The following PTPRN2 variants were observed in gnomAD, a reference collection of about 807,000 sequenced individuals.
The protein encoded by PTPRN2 is receptor-type tyrosine-protein phosphatase N2.
PTPRN2 carries 74 observed loss-of-function variants against 118.8 expected under a neutral mutation model. The observed-to-expected ratio is 0.62, with a 90% CI of 0.52 to 0.76. The LOEUF (loss-of-function observed/expected upper bound fraction) is 0.76. PTPRN2 is among the 30% of genes least tolerant of loss of function. The probability of loss-of-function intolerance (pLI) is 0.00; values close to 1 mark genes in which losing one functional copy is unlikely to be tolerated. For missense variants in PTPRN2, 1,481 were observed against 1,394.4 expected (o/e 1.06, Z -0.99); for synonymous variants, 641 against 608.0 (o/e 1.05, Z -0.80).
In PTPRN2 at chr7:157,715,298, C is replaced by T. The variant is rs138614813; in HGVS notation, c.1789-32361G>A. ...CAGGGAGTGTTGGGAGACAGGCCGGCGGCCGCGGGAAACCCCTCAGCAACC... is the reference window on the plus strand; with the variant it reads ...CAGGGAGTGTTGGGAGACAGGCCGGTGGCCGCGGGAAACCCCTCAGCAACC... On this transcript the variant is annotated intron_variant, in intron 12 of 22. Coordinates refer to ENST00000389418, the MANE Select transcript of PTPRN2 (RefSeq NM_002847.5). 4.1e-3 allele frequency among the ~76,000 whole-genome samples: 623 copies of T among 152,260 alleles called. 7 individuals are homozygous for T. Among genetic ancestry groups the T allele is most frequent in the African/African-American group, 0.014 (595 of 41,560 alleles).
chr7:157,951,977 C>T (rs1430694104), intron 11 of PTPRN2, among the ~76,000 whole-genome samples: 1 of 152,202 alleles, frequency 6.6e-6, no homozygotes, highest in Non-Finnish European at 1.5e-5. Context: ...GCTCTGATGC[C>T]CCCTCACGTC....
At chr7:157,706,893 G>A (rs1257148017) in intron 12 of PTPRN2, among the ~76,000 whole-genome samples, 1 of 149,330 alleles carries the variant, frequency 6.7e-6, no homozygotes, top group Non-Finnish European at 1.5e-5. Flanking sequence ...AGATCAATGT[G>A]GACCACATCC....
intron 21 of PTPRN2, among the ~76,000 whole-genome samples, chr7:157,564,939 C>T (rs184423364): frequency 5.9e-5 from 9 of 152,374 alleles, no homozygotes; most frequent in Admixed American, 1.3e-4. Context: ...CCACAAAGTG[C>T]GGTCCATCCA....
intron 11 of PTPRN2, among the ~76,000 whole-genome samples, chr7:158,020,903 G>T (rs1270852315): frequency 6.6e-6 from 1 of 152,096 alleles, no homozygotes; most frequent in East Asian, 1.9e-4. Context: ...CCTCACTCAG[G>T]CTCCCCCGAC....
chr7:157,952,579 T>C (rs2117518), intron 11 of PTPRN2, among the ~76,000 whole-genome samples: 57,482 of 151,852 alleles, frequency 0.38, 11,558 homozygotes, highest in East Asian at 0.68. Flanking sequence ...GGTGCAGAGC[T>C]GTGGGTCTAG....
chr7:158,469,122 T>TGCACACTCACA (rs1301344649), intron 2 of PTPRN2, among the ~76,000 whole-genome samples: 1 of 151,940 alleles, frequency 6.6e-6, no homozygotes, highest in African/African-American at 2.4e-5. Flanking sequence ...ATCAACAGTG[T>TGCACACTCACA]CAGGCTTTCA....
rs143554573 is a variant in PTPRN2 at position 158,187,359 on chromosome 7, A to G, written c.549+4968T>C. Among the ~76,000 whole-genome samples the G allele has an allele frequency of 5.0e-3, 769 of 152,364 alleles. 4 individuals are homozygous for G. Among genetic ancestry groups the G allele is most frequent in the Non-Finnish European group, 7.2e-3 (493 of 68,032 alleles). On this transcript the variant is annotated intron_variant, in intron 5 of 22. Coordinates refer to ENST00000389418, the MANE Select transcript of PTPRN2 (RefSeq NM_002847.5). ...AACAATGATTTATAAAATAATTCAC[A>G]GGAAGTTGATTGTACCTTCAAAGAT...
chr7:157,683,463 C>T (rs1797009375), intron 12 of PTPRN2, among the ~76,000 whole-genome samples: 1 of 152,170 alleles, frequency 6.6e-6, no homozygotes, highest in South Asian at 2.1e-4. Context: ...ATTCTCCCTC[C>T]CAGGTCAGGG....
At chr7:157,884,204 T>G (rs1796333129) in intron 12 of PTPRN2, among the ~76,000 whole-genome samples, 1 of 152,128 alleles carries the variant, frequency 6.6e-6, no homozygotes, top group African/African-American at 2.4e-5. Flanking sequence ...CAAAAATGAC[T>G]GTCAGAGACC....
At chr7:157,564,365 C>T (rs568380882) in intron 21 of PTPRN2, among the ~76,000 whole-genome samples, 12 of 152,316 alleles carry the variant, frequency 7.9e-5, no homozygotes, top group African/African-American at 1.4e-4. Flanking sequence ...GTGATCCACC[C>T]GCCTTGGCCT....
intron 12 of PTPRN2, among the ~76,000 whole-genome samples, chr7:157,768,756 T>C (rs568092505): frequency 4.5e-4 from 68 of 152,386 alleles, no homozygotes; most frequent in African/African-American, 1.6e-3. Flanking sequence ...TCATCCATTC[T>C]GCTTAGGGGA....
intron 2 of PTPRN2, among the ~76,000 whole-genome samples, chr7:158,332,182 CCAT>C (rs1414550189): frequency 6.7e-6 from 1 of 149,788 alleles, no homozygotes; most frequent in Non-Finnish European, 1.5e-5. Context: ...CACACTCTCA[CCAT>C]AAGATGTGAC....
At chr7:158,359,449 C>T (rs555001440) in intron 2 of PTPRN2, among the ~76,000 whole-genome samples, 310 of 152,218 alleles carry the variant, frequency 2.0e-3, no homozygotes, top group African/African-American at 6.7e-3. Flanking sequence ...CTCGGCCAGC[C>T]GGGGGGACCC....
At chr7:158,373,702 C>T (rs2151324636) in intron 2 of PTPRN2, among the ~76,000 whole-genome samples, 1 of 152,284 alleles carries the variant, frequency 6.6e-6, no homozygotes, top group South Asian at 2.1e-4. Flanking sequence ...CCAGTTCCCA[C>T]CGGATGAAAG....
rs759335114 is a variant in PTPRN2, at chr7:158,110,803, C to A, written c.1643+26G>T. The A allele has an allele frequency of 9.6e-6, 15 of 1,558,916 alleles. No homozygotes were observed. In the African/African-American group the frequency reaches 1.4e-4, roughly 14 times the overall value. ...CTGCGACCAAGCAACAGGAGCCAAA[C>A]AGAAACCCCAGGGCCCCGTACTTAC... On this transcript the variant is annotated intron_variant, in intron 10 of 22. Transcript: ENST00000389418.
At position 157,690,848 on chromosome 7, in the gene PTPRN2, G is replaced by C. The variant is rs1204871376; in HGVS notation, c.1789-7911C>G. On this transcript the variant is annotated intron_variant, in intron 12 of 22. Transcript: ENST00000389418. The surrounding 1 kb of genome is among the most constrained non-coding windows in gnomAD (Gnocchi z 7.1). ...CTGCGCGGCCGCTCGGCCCAGCTCC[G>C]CGTGCTCCGCCCCGGCCCGGCCCCC... Among the ~76,000 whole-genome samples the C allele has an allele frequency of 1.4e-5, 2 of 147,284 alleles. No individual in the cohort carries two copies. Among genetic ancestry groups the C allele is most frequent in the Non-Finnish European group, 3.0e-5 (2 of 66,318 alleles).
At chr7:158,232,007 A>G (rs1381659296) in intron 3 of PTPRN2, among the ~76,000 whole-genome samples, 2 of 152,202 alleles carry the variant, frequency 1.3e-5, no homozygotes, top group African/African-American at 4.8e-5. Flanking sequence ...CCTACATCAA[A>G]AACATAGAAA....
chr7:157,855,694 C>T (rs1335639452), intron 12 of PTPRN2, among the ~76,000 whole-genome samples: 2 of 152,078 alleles, frequency 1.3e-5, no homozygotes, highest in Admixed American at 6.5e-5. Context: ...GTGGCTGAGC[C>T]GAGGGAGAGC....
intron 12 of PTPRN2, among the ~76,000 whole-genome samples, chr7:157,724,826 C>T (rs1799435776): frequency 6.6e-6 from 1 of 152,176 alleles, no homozygotes; most frequent in Non-Finnish European, 1.5e-5. Flanking sequence ...GAGGCGGGGA[C>T]CATCTGTGTA....
Sources: allele counts gnomAD v4.1 joint callset (sites outside exome capture counted in the v4.1 genomes callset), GRCh38; gene constraint gnomAD v4.1.1; non-coding constraint Gnocchi (gnomAD v3.1); transcripts MANE v1.5; gene names NCBI Gene and HGNC (gene_info 2026-07-23, HGNC 2026-07-21).